Variants in ADAMTSL1 observed in about 807,000 individuals in gnomAD.
ADAMTSL1 encodes ADAMTS like 1.
A neutral mutation model predicts 201.8 loss-of-function variants in ADAMTSL1; 126 were observed. That is an observed-to-expected ratio of 0.62 (90% CI 0.54 to 0.72). ADAMTSL1 has a LOEUF of 0.72. Among genes scored for constraint, ADAMTSL1 ranks in the 30% least tolerant of loss-of-function variants. ADAMTSL1 has a pLI of 0.00. For missense variants in ADAMTSL1, 2,679 were observed against 2,277.8 expected, an observed-to-expected ratio of 1.18 and a Z score of -3.59; for synonymous variants, 1,121 against 903.4, an observed-to-expected ratio of 1.24 and a Z score of -4.32.
At chr9:18,026,616 C>G (rs1369591188) in intron 1 of ADAMTSL1, among the ~76,000 whole-genome samples, 1 of 151,842 alleles carries the variant, frequency 6.6e-6, no homozygotes, top group Non-Finnish European at 1.5e-5. Flanking sequence ...CAAGTATTGT[C>G]TTGAGGATTT....
chr9:18,733,241 GT>G (rs1327560966), intron 15 of ADAMTSL1, among the ~76,000 whole-genome samples: 1 of 152,168 alleles, frequency 6.6e-6, no homozygotes, highest in Non-Finnish European at 1.5e-5. Flanking sequence ...AGTTAACAAG[GT>G]CTGCTTTCTT....
chr9:18,388,309 C>T (rs1356610569), intron 2 of ADAMTSL1, among the ~76,000 whole-genome samples: 1 of 151,996 alleles, frequency 6.6e-6, no homozygotes, highest in African/African-American at 2.4e-5. Context: ...CTCACTCTGT[C>T]TTCCAGGCTG....
At chr9:18,053,341 TTCTC>T (rs1000994110) in intron 1 of ADAMTSL1, among the ~76,000 whole-genome samples, 2 of 151,800 alleles carry the variant, frequency 1.3e-5, no homozygotes, top group African/African-American at 2.4e-5. Flanking sequence ...TGCACTTTCA[TTCTC>T]TCTCTCTCTC....
chr9:18,365,703 T>TG (rs1034034001), intron 2 of ADAMTSL1, among the ~76,000 whole-genome samples: 2 of 151,300 alleles, frequency 1.3e-5, no homozygotes, highest in African/African-American at 2.4e-5. Context: ...AGAAAGAAAA[T>TG]GGGGGAGCAC....
chr9:18,713,771 T>C (rs1289481472), intron 14 of ADAMTSL1, among the ~76,000 whole-genome samples: 2 of 148,762 alleles, frequency 1.3e-5, no homozygotes, highest in African/African-American at 2.5e-5. Flanking sequence ...TACAGAACTC[T>C]CCACCCCAAA....
intron 4 of ADAMTSL1, among the ~76,000 whole-genome samples, chr9:18,618,366 G>A (rs1273645663): frequency 6.6e-6 from 1 of 152,074 alleles, no homozygotes; most frequent in Non-Finnish European, 1.5e-5. Flanking sequence ...CATCGATTCA[G>A]CAGCGTTTAT....
rs1295884570 is a variant in ADAMTSL1 at position 17,911,640 on chromosome 9, G to A, written c.87+4718G>A. Among the ~76,000 whole-genome samples the A allele has an allele frequency of 1.9e-4, 13 of 68,226 alleles. 5 individuals are homozygous for A. Among genetic ancestry groups the A allele is most frequent in the Non-Finnish European group, 5.4e-4 (12 of 22,248 alleles). The allele number at this position is 68,226 out of a possible 152,430, so 44.8% of individuals were successfully genotyped here. The stretch of plus-strand genomic sequence containing the variant: ...TTCCTGGTTGGCTGGAAAGAATTGC[G>A]CCTTTATGGGCACCTGATTTCCAAC... On this transcript the variant is annotated intron_variant, in intron 1 of 29. Transcript: ENST00000680146.
intron 15 of ADAMTSL1, among the ~76,000 whole-genome samples, chr9:18,726,395 TAGC>T: frequency 6.6e-6 from 1 of 150,698 alleles, no homozygotes; most frequent in East Asian, 2.0e-4. Context: ...CCTGTAGTCA[TAGC>T]TACTTGGGAG....
intron 2 of ADAMTSL1, among the ~76,000 whole-genome samples, chr9:18,334,483 G>C (rs1835150492): frequency 6.6e-6 from 1 of 152,096 alleles, no homozygotes; most frequent in Admixed American, 6.6e-5. Flanking sequence ...GCTGCTGTTT[G>C]CACTTTAATT....
chr9:18,481,501 GT>G (rs79416288), intron 1 of ADAMTSL1, among the ~76,000 whole-genome samples: 319 of 143,456 alleles, frequency 2.2e-3, no homozygotes, highest in Middle Eastern at 7.2e-3. Context: ...GTTGTCAAGA[GT>G]TTTTTTTTTT....
rs74551844 is a variant in ADAMTSL1 at position 18,762,108 on chromosome 9, A to G, written c.2218-8494A>G. 9.6e-3 allele frequency among the ~76,000 whole-genome samples: 1,465 copies of G among 152,332 alleles called. 25 individuals carry two copies. Among genetic ancestry groups the G allele is most frequent in the African/African-American group, 0.033 (1,377 of 41,578 alleles). On this transcript the variant is annotated intron_variant, in intron 16 of 28. Transcript: ENST00000380548. ...AATTCAACAAACATTTATGAAGTGCATGCTCTTTGCCAGATACTCTACTAG... is the reference window on the plus strand; with the variant it reads ...AATTCAACAAACATTTATGAAGTGCGTGCTCTTTGCCAGATACTCTACTAG...
At chr9:18,490,527 A>G (rs968366376) in intron 1 of ADAMTSL1, among the ~76,000 whole-genome samples, 1 of 152,184 alleles carries the variant, frequency 6.6e-6, no homozygotes, top group Admixed American at 6.5e-5. Flanking sequence ...AGGTAAGTGA[A>G]ACTAGAATCC....
chr9:18,647,956 C>G (rs1827929035), intron 7 of ADAMTSL1, among the ~76,000 whole-genome samples: 1 of 149,808 alleles, frequency 6.7e-6, no homozygotes, highest in Non-Finnish European at 1.5e-5. Flanking sequence ...GACTTTCTGT[C>G]TTGTTGATCC....
chr9:18,718,693 C>T (rs1000789205), intron 14 of ADAMTSL1, among the ~76,000 whole-genome samples: 3 of 152,182 alleles, frequency 2.0e-5, no homozygotes, highest in Non-Finnish European at 4.4e-5. Flanking sequence ...TGGCATTGTC[C>T]AGAAGGGCCT....
chr9:18,008,574 G>A (rs1819924802), intron 1 of ADAMTSL1, among the ~76,000 whole-genome samples: 1 of 151,902 alleles, frequency 6.6e-6, no homozygotes, highest in African/African-American at 2.4e-5. Flanking sequence ...GAGCCACTCA[G>A]GTAGGCAGTG....
rs1159525283 is a variant in ADAMTSL1, at chr9:18,648,549, C to T, written c.835-9090C>T. On this transcript the variant is annotated intron_variant, in intron 7 of 28. Coordinates refer to ENST00000380548, the MANE Select transcript of ADAMTSL1 (RefSeq NM_001040272.6). The stretch of plus-strand genomic sequence containing the variant: ...ACCGGTTGTTCCTTTCCATGTTTAG[C>T]ACTTCCTTCAGGAGCTCTTTTAGGG... 9.9e-5 allele frequency among the ~76,000 whole-genome samples: 15 copies of T among 151,460 alleles called. No homozygotes were observed. The South Asian group carries it at 2.7e-3, about 27-fold the overall frequency.
chr9:18,394,166 A>ATT (rs201455776), intron 2 of ADAMTSL1, among the ~76,000 whole-genome samples: 3 of 143,314 alleles, frequency 2.1e-5, no homozygotes, highest in Admixed American at 7.0e-5. Flanking sequence ...TAGAACAAGG[A>ATT]TTTTTTTTTA....
At chr9:18,140,574 C>G (rs959900404) in intron 1 of ADAMTSL1, among the ~76,000 whole-genome samples, 1 of 152,158 alleles carries the variant, frequency 6.6e-6, no homozygotes, top group Non-Finnish European at 1.5e-5. Context: ...TATAGGTGTC[C>G]TCTCCCTAGC....
intron 23 of ADAMTSL1, among the ~76,000 whole-genome samples, chr9:18,831,030 A>G (rs1354537900): frequency 6.6e-6 from 1 of 152,238 alleles, no homozygotes; most frequent in Non-Finnish European, 1.5e-5. Flanking sequence ...ATGACTTATC[A>G]ACATGGCCAC....
Sources: gnomAD v4.1 joint callset for allele counts (sites outside exome capture counted in the v4.1 genomes callset) on GRCh38, gnomAD v4.1.1 for gene constraint, MANE v1.5 for transcripts, NCBI Gene and HGNC (gene_info 2026-07-23, HGNC 2026-07-21) for gene names.